GPATCH8: variants seen among roughly 807,000 people sequenced by gnomAD.
GPATCH8 encodes the protein G-patch domain containing 8, also known as G patch domain-containing protein 8.
GPATCH8 carries 18 observed loss-of-function variants against 118.3 expected under a neutral mutation model. That is an observed-to-expected ratio of 0.15 (90% CI 0.11 to 0.23). The LOEUF (loss-of-function observed/expected upper bound fraction) is 0.23, where lower values mean the gene tolerates loss of function less well. Ranked by LOEUF, GPATCH8 falls within the 10% of genes least tolerant of loss-of-function variation. The pLI is 1.00. For synonymous variants in GPATCH8, 659 were observed against 684.7 expected (o/e 0.96, Z 0.59); for missense variants, 1,631 against 1,873.8 (o/e 0.87, Z 2.39).
chr17:44,447,411 C>A (rs2050927820), intron 3 of GPATCH8, among the ~76,000 whole-genome samples: 1 of 152,002 alleles, frequency 6.6e-6, no homozygotes, highest in South Asian at 2.1e-4. Flanking sequence ...CCCGCCTCAG[C>A]CTCCCAAAGT....
At chr17:44,468,917 T>G (rs1967045972) in intron 2 of GPATCH8, among the ~76,000 whole-genome samples, 1 of 152,168 alleles carries the variant, frequency 6.6e-6, no homozygotes, top group Admixed American at 6.5e-5. Context: ...TAATTCAGAG[T>G]TCTCACAAAC....
At chr17:44,484,842 T>C (rs984260753) in intron 1 of GPATCH8, among the ~76,000 whole-genome samples, 2 of 152,160 alleles carry the variant, frequency 1.3e-5, no homozygotes, top group African/African-American at 4.8e-5. Context: ...TGGGACCCTC[T>C]GTCTAACTTT....
chr17:44,435,189 A>C (rs754881330), intron 4 of GPATCH8, 38 bp from the exon 5 acceptor site: 6 of 905,174 alleles, frequency 6.6e-6, no homozygotes, highest in Non-Finnish European at 3.7e-6. Flanking sequence ...TAATTCCTAA[A>C]GTACCCCCAA....
chr17:44,470,143 CAT>C (rs779904554), intron 2 of GPATCH8, among the ~76,000 whole-genome samples: 2 of 152,216 alleles, frequency 1.3e-5, no homozygotes, highest in Non-Finnish European at 2.9e-5. Flanking sequence ...ACAGTAACAA[CAT>C]GTTTTAAGTC....
chr17:44,455,285 T>TGAGTTCGG (rs773195976), intron 3 of GPATCH8, among the ~76,000 whole-genome samples: 4 of 152,132 alleles, frequency 2.6e-5, no homozygotes, highest in Non-Finnish European at 4.4e-5. Flanking sequence ...GCAGATCACC[T>TGAGTTCGG]GAGTTCGGGA....
chr17:44,503,202 G>A, intron 1 of GPATCH8, 124 bp downstream of exon 1: 4 of 853,340 alleles, frequency 4.7e-6, no homozygotes, highest in South Asian at 1.4e-5. Context: ...AGAGACGGGA[G>A]AAGAGCGAGC....
At chr17:44,492,291 ACGT>A (rs1969305282) in intron 1 of GPATCH8, among the ~76,000 whole-genome samples, 1 of 87,274 alleles carries the variant, frequency 1.1e-5, no homozygotes, top group African/African-American at 4.0e-5. Context: ...ACAGAGTGAG[ACGT>A]CTCAAAAAAA....
At chr17:44,417,281 C>T (rs1434891590) in intron 6 of GPATCH8, among the ~76,000 whole-genome samples, 3 of 152,152 alleles carry the variant, frequency 2.0e-5, no homozygotes, top group African/African-American at 7.2e-5. Context: ...TGTCAAAAAG[C>T]AGTTGCAAAC....
rs112988496 is a variant in GPATCH8 at position 44,448,567 on chromosome 17, G to A, written c.194-12022C>T. Among the ~76,000 whole-genome samples the A allele has an allele frequency of 3.4e-3, 234 of 68,944 alleles. 2 individuals are homozygous for A. The highest frequency in any genetic ancestry group is 6.3e-3 in the Non-Finnish European group (181 of 28,734). 45.2% of individuals were successfully genotyped at this position (68,944 alleles called of 152,430 possible). On this transcript the variant is annotated intron_variant, in intron 3 of 7. Transcript: ENST00000591680. ...AAGAAGAGGAAGAGGAAGAAGAAGA[G>A]GAAGAGGAAGAAGAAGAAGAAGAAG...
chr17:44,401,500 G>C, intron 7 of GPATCH8, 47 bp from the exon 8 acceptor site: 1 of 1,191,744 alleles, frequency 8.4e-7, no homozygotes. Context: ...AGGTTTAGGA[G>C]TACATTTCAT....
At position 44,399,183 on chromosome 17, in the gene GPATCH8, C is replaced by T. The variant is rs1234698356; in HGVS notation, c.2894G>A (p.Cys965Tyr). 6.2e-7 allele frequency: 1 copy of T among 1,612,878 alleles called. No individual in the cohort carries two copies. The highest frequency in any genetic ancestry group is 8.5e-7 in the Non-Finnish European group (1 of 1,179,066). The stretch of plus-strand genomic sequence containing the variant: ...TCTCCGCTTGCTTCGACTACGACTA[C>T]AACTGCTGCTGCGGCTGCGGCCCCG... ...RSRGRSRSSS[C>Y]SRSRSKRRSR... The change falls in exon 8 of 8, where the codon TGT (cysteine) becomes TAT (tyrosine). Residue 965 changes from cysteine (C) to tyrosine (Y), a missense_variant. Physicochemically the swap from Cys to Tyr is radical, Grantham distance 194 (BLOSUM62 -2). This residue lies in a region of GPATCH8 where 922 missense variants were observed against 879.7 expected (regional missense o/e 1.05). Transcript: ENST00000591680.
intron 1 of GPATCH8, among the ~76,000 whole-genome samples, chr17:44,501,688 C>T (rs1049213865): frequency 2.0e-5 from 3 of 152,038 alleles, no homozygotes; most frequent in Non-Finnish European, 4.4e-5. Flanking sequence ...CATTAAAGGC[C>T]CTGAAAATCC....
chr17:44,499,701 A>G (rs949966901), intron 1 of GPATCH8, among the ~76,000 whole-genome samples: 4 of 152,222 alleles, frequency 2.6e-5, no homozygotes, highest in Admixed American at 6.5e-5. Flanking sequence ...CAAAGTGTTG[A>G]TTATCTTAAG....
At chr17:44,445,788 G>A (rs2050858056) in intron 3 of GPATCH8, 1 of 152,168 alleles carries the variant, frequency 6.6e-6, no homozygotes, top group Non-Finnish European at 1.5e-5. Context: ...TTACAGGCAT[G>A]AGCCACTGTG....
chr17:44,447,305 C>T (rs565411433), intron 3 of GPATCH8, among the ~76,000 whole-genome samples: 25 of 151,732 alleles, frequency 1.6e-4, no homozygotes, highest in Admixed American at 4.6e-4. Context: ...ACTACAGGCA[C>T]GTGCCACCAT....
intron 3 of GPATCH8, among the ~76,000 whole-genome samples, chr17:44,452,247 T>C (rs1455101463): frequency 2.0e-4 from 25 of 123,078 alleles, no homozygotes; most frequent in African/African-American, 7.8e-4. Flanking sequence ...CACTCCAGCC[T>C]GGGTGACAGA....
chr17:44,400,503 T>A lies in GPATCH8; in HGVS notation c.1574A>T (p.Glu525Val), dbSNP rs1307453563. The change falls in exon 8 of 8, where the codon GAA (glutamate) becomes GTA (valine). Residue 525 changes from glutamate to valine, a missense_variant. This residue lies in a region of GPATCH8 where 405 missense variants were observed against 462.7 expected (regional missense o/e 0.88). Coordinates refer to ENST00000591680, the MANE Select transcript of GPATCH8 (RefSeq NM_001002909.4). ...ETSLATPAGK[E>V]SQEGPKHPTG... is the part of the protein sequence containing the mutation. ...AGGATGTTTGGGTCCTTCTTGGCTTTCTTTCCCTGCTGGGGTGGCCAGAGA... is the reference window on the plus strand; with the variant it reads ...AGGATGTTTGGGTCCTTCTTGGCTTACTTTCCCTGCTGGGGTGGCCAGAGA... The A allele has an allele frequency of 6.2e-7, 1 of 1,614,086 alleles. No individual in the cohort carries two copies. The highest frequency in any genetic ancestry group is 8.5e-7 in the Non-Finnish European group (1 of 1,180,022).
chr17:44,436,376 C>T, intron 4 of GPATCH8, 102 bp downstream of exon 4: 1 of 744,894 alleles, frequency 1.3e-6, no homozygotes, highest in South Asian at 1.4e-5. Context: ...ATTAAAACTA[C>T]ATTTCATCTG....
chr17:44,502,380 C>A (rs1423526093), intron 1 of GPATCH8, among the ~76,000 whole-genome samples: 2 of 147,154 alleles, frequency 1.4e-5, no homozygotes, highest in African/African-American at 5.0e-5. Flanking sequence ...TTTTTTGAGA[C>A]TCTACGGATG....
Sources: gnomAD v4.1 joint callset for allele counts (sites outside exome capture counted in the v4.1 genomes callset) on GRCh38, gnomAD v4.1.1 for gene constraint, gnomAD v4.1.1 regional missense constraint, MANE v1.5 for transcripts, NCBI Gene and HGNC (gene_info 2026-07-23, HGNC 2026-07-21) for gene names.